EPHA3: variants seen among roughly 807,000 people sequenced by gnomAD.
The protein encoded by EPHA3 is EPH receptor A3.
Under a neutral mutation model 107.1 loss-of-function variants are expected in EPHA3, and 42 were observed. The ratio of observed to expected loss-of-function variants is 0.39; its 90% CI spans 0.31 to 0.51. EPHA3 has a LOEUF of 0.51. Ranked by LOEUF, EPHA3 falls within the 20% of genes least tolerant of loss-of-function variation. The pLI is 0.78. For synonymous variants in EPHA3, 461 were observed against 424.8 expected (o/e 1.09, Z -1.05); for missense variants, 1,183 against 1,211.2 (o/e 0.98, Z 0.35).
intron 3 of EPHA3, among the ~76,000 whole-genome samples, chr3:89,252,306 T>C (rs1354750881): frequency 6.6e-6 from 1 of 152,220 alleles, no homozygotes; most frequent in Non-Finnish European, 1.5e-5. Flanking sequence ...CTGGACTAAA[T>C]TCCAGAATCA....
chr3:89,184,238 C>T (rs1263599104), intron 2 of EPHA3, among the ~76,000 whole-genome samples: 1 of 151,880 alleles, frequency 6.6e-6, no homozygotes, highest in African/African-American at 2.4e-5. Context: ...ATGAAGAAAA[C>T]ACAAGGATAT....
intron 3 of EPHA3, among the ~76,000 whole-genome samples, chr3:89,316,948 A>G (rs1203971916): frequency 6.6e-6 from 1 of 151,672 alleles, no homozygotes; most frequent in Non-Finnish European, 1.5e-5. Context: ...AAATAAGTTC[A>G]GAGAGGCTGA....
At chr3:89,386,162 GGT>G (rs373190112) in intron 5 of EPHA3, among the ~76,000 whole-genome samples, 1,594 of 150,692 alleles carry the variant, frequency 0.011, 30 homozygotes, top group African/African-American at 0.038. Flanking sequence ...AACTCATTTT[GGT>G]GGGGGAGAAA....
intron 13 of EPHA3, among the ~76,000 whole-genome samples, chr3:89,431,921 C>T (rs1363195755): frequency 6.6e-6 from 1 of 152,004 alleles, no homozygotes; most frequent in African/African-American, 2.4e-5. Flanking sequence ...TATTTAAATA[C>T]AATTATTCAT....
intron 11 of EPHA3, among the ~76,000 whole-genome samples, chr3:89,425,379 A>AT (rs1322959004): frequency 1.2e-4 from 18 of 145,234 alleles, no homozygotes; most frequent in African/African-American, 4.3e-4. Context: ...AATTTTGTCA[A>AT]TTTTTTTCAA....
intron 1 of EPHA3, among the ~76,000 whole-genome samples, chr3:89,110,243 AT>A (rs1472395590): frequency 6.6e-6 from 1 of 151,998 alleles, no homozygotes; most frequent in Non-Finnish European, 1.5e-5. Context: ...TTACTGAAAC[AT>A]ATTTACTAGA....
At chr3:89,251,093 TATA>T (rs1398777992) in intron 3 of EPHA3, among the ~76,000 whole-genome samples, 1 of 152,190 alleles carries the variant, frequency 6.6e-6, no homozygotes, top group Non-Finnish European at 1.5e-5. Context: ...TAGAATAATG[TATA>T]ATGATTTTGC....
At chr3:89,158,245 C>T (rs1704848889) in intron 2 of EPHA3, among the ~76,000 whole-genome samples, 1 of 152,058 alleles carries the variant, frequency 6.6e-6, no homozygotes, top group African/African-American at 2.4e-5. Flanking sequence ...CCAGAATGTT[C>T]TAAACCATTT....
rs551661971 is a variant in EPHA3 at position 89,342,023 on chromosome 3, T to C, written c.1239T>C (p.Asn413=). The C allele has an allele frequency of 6.2e-7, 1 of 1,612,190 alleles. No homozygotes were observed. The highest frequency in any genetic ancestry group is 2.2e-5 in the East Asian group (1 of 44,818). Residue 413 remains asparagine (N), a synonymous_variant, in exon 5 of 17, where the codon AAT becomes AAC. Coordinates refer to ENST00000336596, the MANE Select transcript of EPHA3 (RefSeq NM_005233.6). ...ACACCTTTGAGATTGATGCCGTTAA[T>C]GGGGTGTCAGAGCTGAGCTCCCCAC... ...TNYTFEIDAV[N]GVSELSSPPR...
chr3:89,164,124 T>G (rs1265189980), intron 2 of EPHA3, among the ~76,000 whole-genome samples: 1 of 152,170 alleles, frequency 6.6e-6, no homozygotes, highest in Non-Finnish European at 1.5e-5. Context: ...GAAGACTAAT[T>G]GATTTAGCAG....
intron 1 of EPHA3, among the ~76,000 whole-genome samples, chr3:89,114,895 G>A (rs1355601577): frequency 6.6e-6 from 1 of 152,198 alleles, no homozygotes; most frequent in Non-Finnish European, 1.5e-5. Context: ...GGACGGGCCT[G>A]GCAGGTCCTG....
chr3:89,392,102 A>G (rs1197439485), intron 5 of EPHA3, among the ~76,000 whole-genome samples: 1 of 152,044 alleles, frequency 6.6e-6, no homozygotes, highest in Non-Finnish European at 1.5e-5. Context: ...TTAATAGGGG[A>G]ACCATTTCAG....
In EPHA3 at chr3:89,210,319, A is replaced by G; in HGVS notation, c.613A>G (p.Thr205Ala). Residue 205 changes from threonine to alanine, a missense_variant, in exon 3 of 17, where the codon ACA becomes GCA. By Grantham distance (58) the Thr-to-Ala change is moderately conservative (BLOSUM62 0). Transcript: ENST00000336596. ...AGTATACTTCAAAAAGTGCCCATTT[A>G]CAGTGAAGAATCTGGCTATGTTTCC... ...VRVYFKKCPF[T>A]VKNLAMFPDT... The G allele has an allele frequency of 6.2e-7, 1 of 1,613,698 alleles. No individual in the cohort carries two copies. The highest frequency in any genetic ancestry group is 8.5e-7 in the Non-Finnish European group (1 of 1,179,826).
intron 3 of EPHA3, among the ~76,000 whole-genome samples, chr3:89,310,232 C>CATA (rs1477193316): frequency 6.6e-6 from 1 of 151,918 alleles, no homozygotes; most frequent in Non-Finnish European, 1.5e-5. Context: ...GAGTAAAAAG[C>CATA]ATAATAGTCC....
At chr3:89,370,225 A>C (rs977061547) in intron 5 of EPHA3, among the ~76,000 whole-genome samples, 27 of 150,944 alleles carry the variant, frequency 1.8e-4, no homozygotes, top group Middle Eastern at 3.4e-3. Context: ...TATTGCAACA[A>C]TATTCACCAT....
intron 5 of EPHA3, among the ~76,000 whole-genome samples, chr3:89,351,543 T>G (rs1576329435): frequency 6.6e-6 from 1 of 150,444 alleles, no homozygotes; most frequent in Admixed American, 6.6e-5. Flanking sequence ...ATGAACCCGG[T>G]ACCTCAGATG....
At chr3:89,227,860 G>A (rs1704536316) in intron 3 of EPHA3, among the ~76,000 whole-genome samples, 1 of 151,882 alleles carries the variant, frequency 6.6e-6, no homozygotes, top group Admixed American at 6.6e-5. Flanking sequence ...GTTTAAATTG[G>A]AAAGGTCAAA....
At chr3:89,337,791 G>T (rs984532102) in intron 3 of EPHA3, among the ~76,000 whole-genome samples, 2 of 152,126 alleles carry the variant, frequency 1.3e-5, no homozygotes, top group African/African-American at 4.8e-5. Flanking sequence ...TATTCATCTA[G>T]TCACTCAGGT....
At chr3:89,181,074 C>T (rs1348617189) in intron 2 of EPHA3, among the ~76,000 whole-genome samples, 2 of 151,930 alleles carry the variant, frequency 1.3e-5, no homozygotes, top group Admixed American at 6.6e-5. Context: ...CAAAAACACT[C>T]ATATTGTAAT....
Sources: allele counts gnomAD v4.1 joint callset (sites outside exome capture counted in the v4.1 genomes callset), GRCh38; gene constraint gnomAD v4.1.1; transcripts MANE v1.5; gene names NCBI Gene and HGNC (gene_info 2026-07-23, HGNC 2026-07-21).